Variants in POC1B observed in about 807,000 individuals in gnomAD.
The protein encoded by POC1B is POC1 centriolar protein homolog B.
A neutral mutation model predicts 60.6 loss-of-function variants in POC1B; 44 were observed. The ratio of observed to expected loss-of-function variants is 0.73; its 90% CI spans 0.57 to 0.93. POC1B has a LOEUF of 0.93. Among genes scored for constraint, POC1B ranks in the 40% least tolerant of loss-of-function variants. The pLI is 0.00. For synonymous variants in POC1B, 180 were observed against 198.9 expected (o/e 0.90, Z 0.80); for missense variants, 555 against 572.3 (o/e 0.97, Z 0.31).
intron 10 of POC1B, among the ~76,000 whole-genome samples, chr12:89,450,232 G>A (rs901625835): frequency 6.6e-6 from 1 of 151,330 alleles, no homozygotes; most frequent in Non-Finnish European, 1.5e-5. Context: ...TTTTGAGATG[G>A]AGTCTTGCAC....
chr12:89,522,800 G>A (rs1870997718), intron 2 of POC1B: 1 of 1,555,818 alleles, frequency 6.4e-7, no homozygotes, highest in African/African-American at 1.4e-5. Flanking sequence ...CATGACGAAA[G>A]TGCTGTTGTG....
In POC1B at chr12:89,466,860, G is replaced by C; in HGVS notation, c.942C>G (p.Leu314=). Residue 314 remains leucine (L), a synonymous_variant, in exon 9 of 12, where the codon CTC becomes CTG. Transcript: ENST00000313546. ...LHCKGLTKRN[L]KRLHFDSPPH... ...GTGGTGAATCAAAATGTAATCTTTT[G>C]AGATTTCTTTTGGTAAGACCTTTAC... 2.5e-6 allele frequency: 4 copies of C among 1,612,898 alleles called. No individual in the cohort carries two copies. Among genetic ancestry groups the C allele is most frequent in the Non-Finnish European group, 3.4e-6 (4 of 1,179,138 alleles).
chr12:89,438,995 C>T lies in POC1B; in HGVS notation c.1114-13616G>A, dbSNP rs190327555. Among the ~76,000 whole-genome samples the T allele has an allele frequency of 8.5e-5, 13 of 152,320 alleles. No individual in the cohort carries two copies. In the East Asian group the frequency reaches 2.5e-3, roughly 29 times the overall value. ...AATGAATGGCACATCATTGTATAAGCTAAAAACCCAGGGATTATCTTTGCT... is the reference window on the plus strand; with the variant it reads ...AATGAATGGCACATCATTGTATAAGTTAAAAACCCAGGGATTATCTTTGCT... On this transcript the variant is annotated intron_variant, in intron 10 of 11. Coordinates refer to ENST00000313546, the MANE Select transcript of POC1B (RefSeq NM_172240.3).
chr12:89,461,183 G>A (rs1398395056), intron 9 of POC1B: 1 of 152,058 alleles, frequency 6.6e-6, no homozygotes, highest in East Asian at 1.9e-4. Flanking sequence ...GACAGTTTAC[G>A]AATTTGTGTT....
At chr12:89,506,234 CT>C (rs1565754624) in intron 2 of POC1B, among the ~76,000 whole-genome samples, 1 of 152,234 alleles carries the variant, frequency 6.6e-6, no homozygotes, top group African/African-American at 2.4e-5. Flanking sequence ...CTGTCACTTA[CT>C]GCTGTGTGCC....
At chr12:89,460,464 C>T (rs1325577839) in intron 9 of POC1B, among the ~76,000 whole-genome samples, 1 of 152,042 alleles carries the variant, frequency 6.6e-6, no homozygotes, top group Admixed American at 6.6e-5. Flanking sequence ...AAGCAAAATA[C>T]CACTTAATAC....
chr12:89,517,058 AC>A (rs1870476117), intron 2 of POC1B, among the ~76,000 whole-genome samples: 1 of 152,092 alleles, frequency 6.6e-6, no homozygotes, highest in Non-Finnish European at 1.5e-5. Flanking sequence ...TTGGAGGGCC[AC>A]CATTTAAACC....
chr12:89,486,490 A>C (rs1193962275), intron 4 of POC1B, among the ~76,000 whole-genome samples: 7 of 152,234 alleles, frequency 4.6e-5, no homozygotes, highest in African/African-American at 9.6e-5. Flanking sequence ...CAAGAAGGTG[A>C]ATGGTGAAAG....
At chr12:89,433,604 G>C (rs756823412) in intron 10 of POC1B, among the ~76,000 whole-genome samples, 1 of 152,202 alleles carries the variant, frequency 6.6e-6, no homozygotes, top group Non-Finnish European at 1.5e-5. Flanking sequence ...CAGACACAGG[G>C]AGCAGGCAGT....
chr12:89,468,485 T>G (rs899283979), intron 7 of POC1B, among the ~76,000 whole-genome samples: 8 of 152,204 alleles, frequency 5.3e-5, no homozygotes, highest in African/African-American at 1.9e-4. Context: ...GAAAAACATC[T>G]TGTATTTTCC....
intron 4 of POC1B, among the ~76,000 whole-genome samples, chr12:89,482,651 T>C (rs1367710066): frequency 2.6e-5 from 4 of 152,078 alleles, no homozygotes; most frequent in Non-Finnish European, 5.9e-5. Context: ...TAAAAGACAA[T>C]AGAATGACAT....
intron 2 of POC1B, among the ~76,000 whole-genome samples, chr12:89,504,660 A>G (rs922967908): frequency 2.6e-5 from 4 of 152,202 alleles, no homozygotes; most frequent in African/African-American, 9.6e-5. Context: ...GAAAAGAATG[A>G]TAATTTGTAC....
At chr12:89,513,605 G>A (rs1236234805) in intron 2 of POC1B, among the ~76,000 whole-genome samples, 2 of 152,164 alleles carry the variant, frequency 1.3e-5, no homozygotes, top group Non-Finnish European at 2.9e-5. Flanking sequence ...AGGGATGACT[G>A]GCCTAATGGA....
intron 2 of POC1B, among the ~76,000 whole-genome samples, chr12:89,511,053 C>A (rs1870162042): frequency 6.6e-6 from 1 of 151,992 alleles, no homozygotes; most frequent in Admixed American, 6.6e-5. Context: ...CATGCCTGGC[C>A]AAACAGTACA....
rs560613980 is a variant in POC1B, at chr12:89,503,194, C to T, written c.101-5852G>A. On this transcript the variant is annotated intron_variant, in intron 2 of 11. Coordinates refer to ENST00000313546, the MANE Select transcript of POC1B (RefSeq NM_172240.3). The stretch of plus-strand genomic sequence containing the variant: ...AAGCTGGACTGTACTGCTGCCATCT[C>T]GGCTCACTGCAACCTTGCTGCCTGA... 4.6e-5 allele frequency among the ~76,000 whole-genome samples: 7 copies of T among 151,736 alleles called. No individual in the cohort carries two copies. The South Asian group carries it at 6.3e-4, about 14-fold the overall frequency.
intron 4 of POC1B, among the ~76,000 whole-genome samples, chr12:89,478,079 A>G (rs1447601155): frequency 1.5e-4 from 1 of 6,806 alleles, no homozygotes; most frequent in Non-Finnish European, 2.5e-4. Context: ...CCACAACCAC[A>G]TTCATTCATT....
At chr12:89,442,145 T>A (rs1160224012) in intron 10 of POC1B, among the ~76,000 whole-genome samples, 1 of 152,080 alleles carries the variant, frequency 6.6e-6, no homozygotes, top group Non-Finnish European at 1.5e-5. Context: ...TACCGGAAAG[T>A]GATGGGGAGA....
At chr12:89,426,000 T>C (rs925188249) in intron 10 of POC1B, 1 of 152,242 alleles carries the variant, frequency 6.6e-6, no homozygotes, top group African/African-American at 2.4e-5. Flanking sequence ...GAAACAACGA[T>C]AGATGAACGT....
intron 1 of POC1B, 143 bp downstream of exon 1, chr12:89,525,738 C>T: frequency 7.8e-7 from 1 of 1,287,296 alleles, no homozygotes; most frequent in Non-Finnish European, 1.0e-6. Flanking sequence ...GAGATACGGA[C>T]GCCCCGGGAC....
Sources: gnomAD v4.1 joint callset for allele counts (sites outside exome capture counted in the v4.1 genomes callset) on GRCh38, gnomAD v4.1.1 for gene constraint, MANE v1.5 for transcripts, NCBI Gene and HGNC (gene_info 2026-07-23, HGNC 2026-07-21) for gene names.